The following NKAIN3 variants were observed in gnomAD, a reference collection of about 807,000 sequenced individuals.
The protein encoded by NKAIN3 is sodium/potassium-transporting ATPase subunit beta-1-interacting protein 3.
NKAIN3 carries 25 observed loss-of-function variants against 30.2 expected under a neutral mutation model. The ratio of observed to expected loss-of-function variants is 0.83; its 90% CI spans 0.60 to 1.16. The LOEUF is 1.16. Ranked by LOEUF, NKAIN3 falls within the 50% of genes most tolerant of loss-of-function variation. The pLI, the probability that NKAIN3 is intolerant of heterozygous loss-of-function variation, is 0.00. For missense variants in NKAIN3, 225 were observed against 254.1 expected (o/e 0.89, Z 0.78); for synonymous variants, 91 against 89.6 (o/e 1.02, Z -0.09).
intron 4 of NKAIN3, among the ~76,000 whole-genome samples, chr8:62,747,926 C>A (rs551858289): frequency 6.6e-6 from 1 of 152,102 alleles, no homozygotes; most frequent in Non-Finnish European, 1.5e-5. Flanking sequence ...GAGACACAGA[C>A]TCAATAGTAA....
intron 3 of NKAIN3, among the ~76,000 whole-genome samples, chr8:62,667,332 T>TTATATATATATTCTTTATATATATATCTG (rs1813143888): frequency 9.0e-6 from 1 of 111,384 alleles, no homozygotes; most frequent in Non-Finnish European, 1.8e-5. Flanking sequence ...TATATATTCT[T>TTATATATATATTCTTTATATATATATCTG]TATATATATA....
At chr8:62,279,866 T>A (rs1020207967) in intron 1 of NKAIN3, among the ~76,000 whole-genome samples, 9 of 152,222 alleles carry the variant, frequency 5.9e-5, no homozygotes, top group African/African-American at 2.2e-4. Context: ...GGCTCTTTTT[T>A]GGTTCCATAT....
At chr8:62,689,074 C>A (rs1027914147) in intron 3 of NKAIN3, among the ~76,000 whole-genome samples, 6 of 151,902 alleles carry the variant, frequency 3.9e-5, no homozygotes, top group Non-Finnish European at 7.4e-5. Context: ...ATTATATTTT[C>A]TTCTTCAATG....
At chr8:62,721,876 C>T (rs1314685121) in intron 3 of NKAIN3, among the ~76,000 whole-genome samples, 1 of 152,150 alleles carries the variant, frequency 6.6e-6, no homozygotes, top group Non-Finnish European at 1.5e-5. Flanking sequence ...AACATGTAGC[C>T]ATAATAATCT....
At chr8:62,792,207 G>A (rs1416924689) in intron 4 of NKAIN3, among the ~76,000 whole-genome samples, 1 of 152,012 alleles carries the variant, frequency 6.6e-6, no homozygotes, top group Non-Finnish European at 1.5e-5. Context: ...CTTAATTTAA[G>A]CTTGGAACAG....
In NKAIN3 at chr8:62,817,400, G is replaced by C. The variant is rs181209508; in HGVS notation, c.471+70271G>C. On this transcript the variant is annotated intron_variant, in intron 4 of 6. Transcript: ENST00000623646. ...AAATTTTAGCTGTTAAATTTGTTTC[G>C]AGTGGGAAGTTTTAGTTTTTCCCTC... Among the ~76,000 whole-genome samples the C allele has an allele frequency of 5.9e-3, 895 of 152,110 alleles. 9 individuals carry two copies. The highest frequency in any genetic ancestry group is 0.02 in the African/African-American group (836 of 41,506).
At chr8:62,503,841 AG>A (rs1397927588) in intron 1 of NKAIN3, among the ~76,000 whole-genome samples, 1 of 152,064 alleles carries the variant, frequency 6.6e-6, no homozygotes, top group East Asian at 1.9e-4. Context: ...TTCATTTTCA[AG>A]GTGCACTGAT....
chr8:62,322,438 C>T (rs976823779), intron 1 of NKAIN3, among the ~76,000 whole-genome samples: 1 of 151,002 alleles, frequency 6.6e-6, no homozygotes, highest in African/African-American at 2.5e-5. Flanking sequence ...GAGCTGTAGA[C>T]TGGAGCTGTT....
chr8:62,671,227 A>T (rs970555419), intron 3 of NKAIN3, among the ~76,000 whole-genome samples: 15 of 150,128 alleles, frequency 1.0e-4, no homozygotes, highest in African/African-American at 3.7e-4. Flanking sequence ...ATGATTTGAG[A>T]TTTTTTTTTT....
intron 1 of NKAIN3, among the ~76,000 whole-genome samples, chr8:62,348,107 T>A (rs1190947319): frequency 2.0e-5 from 3 of 152,168 alleles, no homozygotes; most frequent in Non-Finnish European, 4.4e-5. Context: ...GCCTTGATCC[T>A]AATTTCCAAC....
intron 1 of NKAIN3, among the ~76,000 whole-genome samples, chr8:62,307,135 G>A (rs1814271650): frequency 6.7e-6 from 1 of 149,738 alleles, no homozygotes. Context: ...ATGAGTCCTT[G>A]GGTAGCTAAG....
intron 4 of NKAIN3, among the ~76,000 whole-genome samples, chr8:62,777,379 C>T (rs117912014): frequency 3.2e-3 from 493 of 151,998 alleles, no homozygotes; most frequent in Non-Finnish European, 5.1e-3. Flanking sequence ...GTGCTTCATT[C>T]TTTTTTATTT....
intron 4 of NKAIN3, among the ~76,000 whole-genome samples, chr8:62,845,298 T>TATATATATATATATATATATATATAC (rs1819651509): frequency 7.2e-6 from 1 of 138,162 alleles, no homozygotes; most frequent in Admixed American, 7.3e-5. Flanking sequence ...TATATATATA[T>TATATATATATATATATATATATATAC]ATATATATAT....
chr8:62,811,013 C>A (rs868013853), intron 4 of NKAIN3, among the ~76,000 whole-genome samples: 52 of 152,134 alleles, frequency 3.4e-4, no homozygotes, highest in Middle Eastern at 6.8e-3. Flanking sequence ...ACAGGGATTC[C>A]TTCTGTTGCT....
chr8:62,311,946 A>G (rs1814451825), intron 1 of NKAIN3, among the ~76,000 whole-genome samples: 1 of 150,606 alleles, frequency 6.6e-6, no homozygotes, highest in Admixed American at 6.6e-5. Context: ...CACCAAAGAA[A>G]GGAAACTTTC....
chr8:62,873,118 A>G (rs1820694363), intron 4 of NKAIN3, among the ~76,000 whole-genome samples: 1 of 152,202 alleles, frequency 6.6e-6, no homozygotes, highest in South Asian at 2.1e-4. Flanking sequence ...AGACACACAT[A>G]GGCTCAAAAT....
intron 1 of NKAIN3, among the ~76,000 whole-genome samples, chr8:62,431,644 C>T (rs1161619015): frequency 1.3e-5 from 2 of 151,744 alleles, no homozygotes; most frequent in Non-Finnish European, 2.9e-5. Flanking sequence ...AGGCTTGTAT[C>T]TCAAAAGCGT....
chr8:62,431,484 A>T (rs956311891), intron 1 of NKAIN3, among the ~76,000 whole-genome samples: 2 of 152,040 alleles, frequency 1.3e-5, no homozygotes, highest in East Asian at 3.9e-4. Flanking sequence ...TGACTAAGGT[A>T]TATGACCGAT....
chr8:62,629,123 G>A (rs1811875355), intron 3 of NKAIN3, among the ~76,000 whole-genome samples: 1 of 152,084 alleles, frequency 6.6e-6, no homozygotes, highest in African/African-American at 2.4e-5. Context: ...AATGAATCAG[G>A]TCTTGCCTGT....
Sources: allele counts gnomAD v4.1 joint callset (sites outside exome capture counted in the v4.1 genomes callset), GRCh38; gene constraint gnomAD v4.1.1; transcripts MANE v1.5; gene names NCBI Gene and HGNC (gene_info 2026-07-23, HGNC 2026-07-21).